The following CPAMD8 variants were observed in gnomAD, a reference collection of about 807,000 sequenced individuals.
CPAMD8 encodes C3 and PZP like alpha-2-macroglobulin domain containing 8.
Under a neutral mutation model 224.7 loss-of-function variants are expected in CPAMD8, and 146 were observed. The observed-to-expected ratio is 0.65, with a 90% confidence interval of 0.57 to 0.75. The LOEUF is 0.75. Among genes scored for constraint, CPAMD8 ranks in the 30% least tolerant of loss-of-function variants. The pLI is 0.00. For synonymous variants in CPAMD8, 966 were observed against 1,044.6 expected (o/e 0.92, Z 1.45); for missense variants, 2,301 against 2,537.5 (o/e 0.91, Z 2.00).
chr19:16,957,104 A>G (rs765651178), intron 19 of CPAMD8, among the ~76,000 whole-genome samples: 6 of 152,220 alleles, frequency 3.9e-5, no homozygotes, highest in Non-Finnish European at 7.3e-5. Flanking sequence ...AGTGAACTGG[A>G]TGTGTTCTGA....
rs869025231 is a variant in CPAMD8, at chr19:16,906,964, C to G, written c.4015G>C (p.Ala1339Pro). ...PEALRKLRSL[A>P]IMRDGVTHWS... ...CAGGGACACCTACCTCGCATGATGG[C>G]CAGGCTACGGAGCTTGCGCAGTGCC... is the stretch of plus-strand genomic sequence containing the variant. Residue 1339 changes from alanine (A) to proline (P), a missense_variant, in exon 30 of 42, where the codon GCC becomes CCC. Ala to Pro is a conservative substitution (Grantham distance 27, BLOSUM62 -1). Around this residue, in one of 4 missense-constraint regions of CPAMD8, gnomAD observed 1,709 missense variants for 1,753.2 expected, o/e 0.97. Transcript: ENST00000443236. 6.3e-6 allele frequency: 10 copies of G among 1,588,908 alleles called. No individual in the cohort carries two copies. The Admixed American group carries it at 1.8e-4, about 29-fold the overall frequency.
rs773481207 is a variant in CPAMD8 at position 17,026,579 on chromosome 19, C to G, written c.64G>C (p.Gly22Arg). The change falls in exon 1 of 42, where the codon GGC becomes CGC. Residue 22 changes from glycine to arginine, a missense_variant. Gly to Arg is a moderately radical substitution (Grantham distance 125). This residue lies in a region of CPAMD8 where 283 missense variants were observed against 340.6 expected (regional missense o/e 0.83). Transcript: ENST00000443236. ...GCCTGAGGCTGCGCGGCGCGCACGC[C>G]GTCCCGCGCCGACAGCAGCAGGAGC... ...LLLLLLSARD[G>R]VRAAQPQAPG... The G allele has an allele frequency of 6.5e-7, 1 of 1,526,782 alleles. No homozygotes were observed. Among genetic ancestry groups the G allele is most frequent in the Non-Finnish European group, 8.7e-7 (1 of 1,146,462 alleles). 94.6% of individuals were successfully genotyped at this position (1,526,782 alleles called of 1,614,324 possible).
In CPAMD8 at chr19:16,906,994, G is replaced by C. The variant is rs2052543124; in HGVS notation, c.3985C>G (p.Pro1329Ala). ...ALTLLRSPAA[P>A]EALRKLRSLA... ...CTACGGAGCTTGCGCAGTGCCTCAG[G>C]GGCTGCCGGGCTGCGGAGCAGGGTC... The change falls in exon 30 of 42, where the codon CCT becomes GCT. Residue 1329 changes from proline (P) to alanine (A), a missense_variant. Around this residue, in one of 4 missense-constraint regions of CPAMD8, gnomAD observed 1,709 missense variants for 1,753.2 expected, o/e 0.97. Coordinates refer to ENST00000443236, the MANE Select transcript of CPAMD8 (RefSeq NM_015692.5). 2.5e-6 allele frequency: 4 copies of C among 1,599,996 alleles called. No homozygotes were observed. Among genetic ancestry groups the C allele is most frequent in the South Asian group, 1.1e-5 (1 of 87,834 alleles).
At chr19:16,963,640 A>T (rs961062846) in intron 18 of CPAMD8, among the ~76,000 whole-genome samples, 1 of 152,218 alleles carries the variant, frequency 6.6e-6, no homozygotes, top group African/African-American at 2.4e-5. Context: ...TCAGTGAGAC[A>T]GAAGGTTAAC....
At chr19:17,015,225 G>A (rs1343403403) in intron 3 of CPAMD8, among the ~76,000 whole-genome samples, 1 of 152,186 alleles carries the variant, frequency 6.6e-6, no homozygotes, top group African/African-American at 2.4e-5. Flanking sequence ...CTAGGTGACA[G>A]AGTGAGACTC....
At chr19:17,005,487 G>A (rs2056463790) in intron 7 of CPAMD8, among the ~76,000 whole-genome samples, 1 of 147,156 alleles carries the variant, frequency 6.8e-6, no homozygotes, top group South Asian at 2.2e-4. Flanking sequence ...ACCATCAGCC[G>A]CTGACATGGG....
At chr19:16,939,115 G>A (rs886588157) in intron 22 of CPAMD8, among the ~76,000 whole-genome samples, 6 of 152,150 alleles carry the variant, frequency 3.9e-5, no homozygotes, top group Non-Finnish European at 7.4e-5. Flanking sequence ...CAACCAGAAG[G>A]CCTGGCAGCC....
At chr19:16,896,042 C>A (rs745612476) in intron 41 of CPAMD8, 134 bp downstream of exon 41, 1 of 966,278 alleles carries the variant, frequency 1.0e-6, no homozygotes, top group Admixed American at 1.7e-5. Context: ...GACCCTGAGT[C>A]ACTCCCACTG....
intron 29 of CPAMD8, among the ~76,000 whole-genome samples, chr19:16,911,591 G>T (rs1364012409): frequency 6.6e-6 from 1 of 152,064 alleles, no homozygotes; most frequent in Non-Finnish European, 1.5e-5. Context: ...TCTTGCCCGG[G>T]CTGGAGTGCA....
Position 16,925,389 on chromosome 19 carries a change from G to A in CPAMD8, c.3371-17C>T. 6.2e-7 allele frequency: 1 copy of A among 1,607,458 alleles called. No individual in the cohort carries two copies. Among genetic ancestry groups the A allele is most frequent in the South Asian group, 1.1e-5 (1 of 90,878 alleles). On this transcript the variant is annotated splice_polypyrimidine_tract_variant and intron_variant, in intron 25 of 41. Coordinates refer to ENST00000443236, the MANE Select transcript of CPAMD8 (RefSeq NM_015692.5). ...TGACGTCCCCTGGTGGGAAGGAGAA[G>A]AGAGTTGAGTTGGGGGCTGTCCCAG...
Position 16,997,327 on chromosome 19 carries a change from G to A in CPAMD8, c.879C>T (p.Ser293=), listed in dbSNP as rs550240957. 11 of 1,568,060 alleles carry A rather than the reference G, an allele frequency of 7.0e-6. No individual in the cohort carries two copies. In the South Asian group the frequency reaches 9.1e-5, roughly 13 times the overall value. ...CCCTCACGCAGATGTCGAAGTCCCG[G>A]GAGCCGAGGATCTGGAGGGAGGAAA... ...PVLRTTKILG[S]RDFDICVRDM... is the part of the protein sequence containing the mutation. The change falls in exon 11 of 42, where the codon TCC becomes TCT. Residue 293 remains serine, a synonymous_variant. Transcript: ENST00000443236.
intron 7 of CPAMD8, among the ~76,000 whole-genome samples, chr19:17,007,375 A>C (rs1484183030): frequency 6.6e-6 from 1 of 151,540 alleles, no homozygotes; most frequent in Non-Finnish European, 1.5e-5. Flanking sequence ...GAGAAGGAGG[A>C]AGAAGAAGAA....
At chr19:16,919,300 G>A (rs979100262) in intron 27 of CPAMD8, among the ~76,000 whole-genome samples, 20 of 152,158 alleles carry the variant, frequency 1.3e-4, no homozygotes, top group African/African-American at 4.8e-4. Flanking sequence ...CATCCTTCCC[G>A]CTTTCTCTCT....
intron 13 of CPAMD8, among the ~76,000 whole-genome samples, chr19:16,987,091 G>C (rs1473866328): frequency 7.1e-6 from 1 of 141,426 alleles, no homozygotes; most frequent in Non-Finnish European, 1.5e-5. Flanking sequence ...CCCAGGAGAT[G>C]GAGGTTGCAG....
At chr19:16,925,463 T>A (rs1212264818) in intron 25 of CPAMD8, 91 bp from the exon 26 acceptor site, 1 of 1,044,352 alleles carries the variant, frequency 9.6e-7, no homozygotes, top group African/African-American at 1.6e-5. Flanking sequence ...AGACAGTGAG[T>A]GTCATGCAGT....
At chr19:16,918,752 T>C (rs2053056903) in intron 27 of CPAMD8, among the ~76,000 whole-genome samples, 1 of 149,844 alleles carries the variant, frequency 6.7e-6, no homozygotes, top group Non-Finnish European at 1.5e-5. Context: ...CCAGACTTTT[T>C]TTTTTTTTTT....
chr19:16,924,152 T>A (rs1033630162), intron 26 of CPAMD8, among the ~76,000 whole-genome samples: 18 of 151,996 alleles, frequency 1.2e-4, no homozygotes, highest in African/African-American at 4.1e-4. Flanking sequence ...TATTTTTGAC[T>A]TTTGGCCTCC....
intron 16 of CPAMD8, 128 bp downstream of exon 16, chr19:16,975,874 C>T (rs766583770): frequency 1.9e-5 from 19 of 1,018,268 alleles, no homozygotes; most frequent in Admixed American, 7.3e-5. Context: ...AAAATGAACC[C>T]GACGGAGAAA....
At chr19:16,976,293 T>A in intron 15 of CPAMD8, 142 bp from the exon 16 acceptor site, 2 of 562,834 alleles carry the variant, frequency 3.6e-6, no homozygotes, top group Non-Finnish European at 6.2e-6. Flanking sequence ...CTGGCCAACA[T>A]GGTGAAACCC....
Sources: allele counts gnomAD v4.1 joint callset (sites outside exome capture counted in the v4.1 genomes callset), GRCh38; gene constraint gnomAD v4.1.1; regional missense constraint gnomAD v4.1.1; transcripts MANE v1.5; gene names NCBI Gene and HGNC (gene_info 2026-07-23, HGNC 2026-07-21).